ERBIN: variants seen among roughly 807,000 people sequenced by gnomAD.
ERBIN encodes erbb2 interacting protein.
In ERBIN, 60 loss-of-function variants were observed where a neutral mutation model predicts 158.4. That is an observed-to-expected ratio of 0.38 (90% CI 0.31 to 0.47). The LOEUF (loss-of-function observed/expected upper bound fraction) is 0.47. Among genes scored for constraint, ERBIN ranks in the 20% least tolerant of loss-of-function variants. The pLI, the probability that ERBIN is intolerant of heterozygous loss-of-function variation, is 0.99. For synonymous variants in ERBIN, 594 were observed against 557.2 expected, an observed-to-expected ratio of 1.07 and a Z score of -0.93; for missense variants, 1,610 against 1,648.0, an observed-to-expected ratio of 0.98 and a Z score of 0.40.
chr5:66,016,013 T>C (rs960021961), intron 7 of ERBIN, among the ~76,000 whole-genome samples: 1 of 152,220 alleles, frequency 6.6e-6, no homozygotes, highest in African/African-American at 2.4e-5. Flanking sequence ...CTGACCAGCA[T>C]ATAACCTGCA....
chr5:65,977,356 C>T (rs1580225478), intron 1 of ERBIN, among the ~76,000 whole-genome samples: 3 of 152,056 alleles, frequency 2.0e-5, no homozygotes, highest in South Asian at 4.1e-4. Flanking sequence ...CCTCACTTCC[C>T]AGACGGGGTG....
intron 7 of ERBIN, among the ~76,000 whole-genome samples, chr5:66,017,518 ATTTTTT>A (rs35773988): frequency 3.7e-5 from 5 of 135,368 alleles, no homozygotes; most frequent in African/African-American, 1.3e-4. Context: ...TTACAATAGA[ATTTTTT>A]TTTTTTTTTT....
At chr5:65,942,780 C>T (rs1187869398) in intron 1 of ERBIN, among the ~76,000 whole-genome samples, 2 of 151,972 alleles carry the variant, frequency 1.3e-5, no homozygotes, top group Non-Finnish European at 2.9e-5. Context: ...CAAAAATTAG[C>T]CGGGTGTGGT....
chr5:66,063,845 TAG>T (rs1760718997), intron 21 of ERBIN, among the ~76,000 whole-genome samples: 1 of 152,220 alleles, frequency 6.6e-6, no homozygotes, highest in East Asian at 1.9e-4. Context: ...AAAATGTCAA[TAG>T]AGACATTCGT....
chr5:66,016,410 C>G (rs978401773), intron 7 of ERBIN, among the ~76,000 whole-genome samples: 9 of 152,066 alleles, frequency 5.9e-5, no homozygotes, highest in African/African-American at 2.2e-4. Flanking sequence ...TGCAAATATT[C>G]TTTTCTCCTT....
chr5:65,951,783 A>G (rs1370193859), intron 1 of ERBIN, among the ~76,000 whole-genome samples: 1 of 152,242 alleles, frequency 6.6e-6, no homozygotes, highest in East Asian at 1.9e-4. Flanking sequence ...TATAAACTAT[A>G]ACATTTATTT....
At position 66,054,685 on chromosome 5, in the gene ERBIN, T is replaced by C. The variant is rs2151241963; in HGVS notation, c.3367T>C (p.Ser1123Pro). The C allele has an allele frequency of 6.2e-7, 1 of 1,614,060 alleles. No homozygotes were observed. Among genetic ancestry groups the C allele is most frequent in the African/African-American group, 1.3e-5 (1 of 75,042 alleles). ...AAGAACTCCTCCAATGATGCCAGGA[T>C]CACAGAGACCCCTTTCTGCACGAAC... The part of the protein sequence containing the change: ...AGRTPPMMPG[S>P]QRPLSARTYS... Residue 1123 changes from serine to proline, a missense_variant, in exon 21 of 26, where the codon TCA (serine) becomes CCA (proline). Physicochemically the swap from Ser to Pro is moderately conservative, Grantham distance 74. Coordinates refer to ENST00000284037, the MANE Select transcript of ERBIN (RefSeq NM_001253697.2).
chr5:66,015,513 A>G (rs1268609043), intron 7 of ERBIN, among the ~76,000 whole-genome samples: 1 of 152,178 alleles, frequency 6.6e-6, no homozygotes, highest in African/African-American at 2.4e-5. Context: ...AGTGGTTATC[A>G]CTGCTCTATC....
chr5:65,992,877 A>C lies in ERBIN; in HGVS notation c.159A>C (p.Leu53Phe), dbSNP rs1752029678. 1.2e-6 allele frequency: 2 copies of C among 1,610,804 alleles called. No individual in the cohort carries two copies. The highest frequency in any genetic ancestry group is 2.7e-5 in the African/African-American group (2 of 74,714). Residue 53 changes from leucine (L) to phenylalanine (F), a missense_variant, in exon 3 of 26, where the codon TTA becomes TTC. Leu to Phe is a conservative substitution (Grantham distance 22). Around this residue, in one of 2 missense-constraint regions of ERBIN, gnomAD observed 596 missense variants for 711.9 expected, o/e 0.84. Transcript: ENST00000284037. ...TFEKTLEELYLDANQIEELPK... is the reference protein window; with the variant it reads ...TFEKTLEELYFDANQIEELPK... ...AAAAAACCTTGGAGGAACTCTATTT[A>C]GATGCTAATCAGATTGAAGAGCTTC...
chr5:66,008,416 C>T (rs1405782137), intron 4 of ERBIN, among the ~76,000 whole-genome samples: 3 of 152,126 alleles, frequency 2.0e-5, no homozygotes, highest in African/African-American at 7.2e-5. Context: ...GAGACTCCAT[C>T]GCTAAATAAA....
intron 14 of ERBIN, among the ~76,000 whole-genome samples, chr5:66,028,764 T>C (rs1438072267): frequency 2.0e-5 from 3 of 152,156 alleles, no homozygotes; most frequent in Non-Finnish European, 4.4e-5. Flanking sequence ...AACTTAAATT[T>C]TGTACCCTTT....
intron 1 of ERBIN, among the ~76,000 whole-genome samples, chr5:65,940,992 T>G (rs6894501): frequency 0.016 from 2,443 of 152,210 alleles, 66 homozygotes; most frequent in African/African-American, 0.056. Context: ...TTCTGCCTTG[T>G]GATCCTGTTG....
At chr5:66,076,687 GAA>G (rs1035729553) in intron 24 of ERBIN, 186 bp from the exon 25 acceptor site, 31 of 607,286 alleles carry the variant, frequency 5.1e-5, no homozygotes, top group Non-Finnish European at 8.5e-5. Flanking sequence ...ACTCTCAAGA[GAA>G]ATCACTAAAG....
chr5:65,933,882 A>G, intron 1 of ERBIN, among the ~76,000 whole-genome samples: 1 of 152,116 alleles, frequency 6.6e-6, no homozygotes, highest in Non-Finnish European at 1.5e-5. Context: ...TGCTAACATG[A>G]TGCCCTGTCG....
chr5:66,073,903 G>C (rs1189449711), intron 22 of ERBIN, among the ~76,000 whole-genome samples: 2 of 151,980 alleles, frequency 1.3e-5, no homozygotes, highest in Non-Finnish European at 2.9e-5. Context: ...TTTAGAGATG[G>C]AGTCTCGCTC....
intron 4 of ERBIN, among the ~76,000 whole-genome samples, chr5:65,999,088 G>A (rs186276140): frequency 6.6e-6 from 1 of 152,128 alleles, no homozygotes; most frequent in East Asian, 1.9e-4. Flanking sequence ...TGTCTTTTTG[G>A]CTGTGCGTGG....
chr5:66,037,540 AT>A (rs1245498639), intron 14 of ERBIN, among the ~76,000 whole-genome samples: 7 of 152,160 alleles, frequency 4.6e-5, no homozygotes, highest in Non-Finnish European at 8.8e-5. Flanking sequence ...TGTAGGGCAG[AT>A]TTTGTTTGCT....
At chr5:65,953,529 GT>G (rs1314276492) in intron 1 of ERBIN, among the ~76,000 whole-genome samples, 21 of 152,086 alleles carry the variant, frequency 1.4e-4, no homozygotes, top group Admixed American at 3.9e-4. Flanking sequence ...CTACATTTCT[GT>G]TTCCTGAAAA....
chr5:65,963,753 A>T (rs1381070088), intron 1 of ERBIN, among the ~76,000 whole-genome samples: 4 of 151,688 alleles, frequency 2.6e-5, no homozygotes, highest in Non-Finnish European at 5.9e-5. Context: ...TTTTTTTATA[A>T]GTGATTTGCG....
Sources: allele counts gnomAD v4.1 joint callset (sites outside exome capture counted in the v4.1 genomes callset), GRCh38; gene constraint gnomAD v4.1.1; regional missense constraint gnomAD v4.1.1; transcripts MANE v1.5; gene names NCBI Gene and HGNC (gene_info 2026-07-23, HGNC 2026-07-21).